SLC16A7: variants seen among roughly 807,000 people sequenced by gnomAD.
SLC16A7 encodes monocarboxylate transporter 2.
SLC16A7 carries 33 observed loss-of-function variants against 34.9 expected under a neutral mutation model. The observed-to-expected ratio is 0.94, with a 90% CI of 0.72 to 1.26. SLC16A7 has a LOEUF of 1.26. Ranked by LOEUF, SLC16A7 falls within the 50% of genes most tolerant of loss-of-function variation. The pLI, the probability that SLC16A7 is intolerant of heterozygous loss-of-function variation, is 0.00. For missense variants in SLC16A7, 573 were observed against 578.1 expected (o/e 0.99, Z 0.09); for synonymous variants, 201 against 206.6 (o/e 0.97, Z 0.23).
At chr12:59,704,426 A>T (rs1873306361) in intron 2 of SLC16A7, among the ~76,000 whole-genome samples, 1 of 152,092 alleles carries the variant, frequency 6.6e-6, no homozygotes, top group African/African-American at 2.4e-5. Flanking sequence ...ACAACTGGTG[A>T]TTGAAGTAGA....
At position 59,774,776 on chromosome 12, in the gene SLC16A7, T is replaced by C. The variant is rs147545376; in HGVS notation, c.481T>C (p.Leu161=). The C allele has an allele frequency of 2.5e-6, 4 of 1,613,866 alleles. No individual in the cohort carries two copies. Among genetic ancestry groups the C allele is most frequent in the African/African-American group, 2.7e-5 (2 of 74,912 alleles). ...AGGAAGTCCTGTTTTCTTAAGTTCA[T>C]TGGCTCCTTTCAATCAGTACCTTTT... The part of the protein sequence containing the change: ...MAGSPVFLSS[L]APFNQYLFNT... Residue 161 remains leucine, a synonymous_variant, in exon 5 of 6, where the codon TTG becomes CTG. Transcript: ENST00000547379.
intron 3 of SLC16A7, among the ~76,000 whole-genome samples, chr12:59,738,442 AAGATGCAGATGAACTGGGG>A (rs1376515199): frequency 1.3e-5 from 2 of 152,286 alleles, no homozygotes; most frequent in African/African-American, 4.8e-5. Context: ...GACCAATAAC[AAGATGCAGATGAACTGGGG>A]AGGAAGAGAG....
chr12:59,634,492 A>G (rs1880327749), intron 1 of SLC16A7, among the ~76,000 whole-genome samples: 1 of 151,966 alleles, frequency 6.6e-6, no homozygotes, highest in Non-Finnish European at 1.5e-5. Flanking sequence ...AGTAGGTGGA[A>G]AATTACTAAG....
intron 1 of SLC16A7, among the ~76,000 whole-genome samples, chr12:59,636,878 G>A (rs1057177298): frequency 1.3e-5 from 2 of 152,094 alleles, no homozygotes; most frequent in East Asian, 1.9e-4. Flanking sequence ...TTTTCATGTA[G>A]TATGTAGATT....
At chr12:59,766,639 G>GT (rs1299317844) in intron 3 of SLC16A7, among the ~76,000 whole-genome samples, 1 of 152,028 alleles carries the variant, frequency 6.6e-6, no homozygotes, top group African/African-American at 2.4e-5. Flanking sequence ...ACGTTTATTG[G>GT]TTTTTGTATG....
chr12:59,651,855 C>T (rs893016648), intron 1 of SLC16A7, among the ~76,000 whole-genome samples: 9 of 151,812 alleles, frequency 5.9e-5, no homozygotes, highest in African/African-American at 2.2e-4. Context: ...AAGGGAAAAG[C>T]AAAAAAGATT....
At chr12:59,608,500 A>T (rs1290996834) in intron 1 of SLC16A7, among the ~76,000 whole-genome samples, 1 of 152,234 alleles carries the variant, frequency 6.6e-6, no homozygotes. Context: ...GAAGCCACAG[A>T]TAATCTAAGA....
intron 3 of SLC16A7, among the ~76,000 whole-genome samples, chr12:59,715,198 C>G (rs936804439): frequency 3.3e-5 from 5 of 152,100 alleles, no homozygotes; most frequent in Non-Finnish European, 5.9e-5. Context: ...TACCAAATTG[C>G]TGCTTCTAGG....
intron 3 of SLC16A7, among the ~76,000 whole-genome samples, chr12:59,766,366 T>C (rs992941257): frequency 1.3e-5 from 2 of 152,140 alleles, no homozygotes; most frequent in Non-Finnish European, 2.9e-5. Flanking sequence ...TCCAACACTA[T>C]GTTGAATAGG....
At chr12:59,651,642 A>G (rs1019278829) in intron 1 of SLC16A7, among the ~76,000 whole-genome samples, 24 of 152,146 alleles carry the variant, frequency 1.6e-4, no homozygotes, top group African/African-American at 5.8e-4. Context: ...GTGGTGTCTC[A>G]TGCCTGTCAT....
intron 1 of SLC16A7, among the ~76,000 whole-genome samples, chr12:59,602,285 C>T (rs1393239652): frequency 6.6e-6 from 1 of 152,114 alleles, no homozygotes; most frequent in Non-Finnish European, 1.5e-5. Flanking sequence ...GACCTCCTAG[C>T]CTCCAAATTA....
At chr12:59,657,429 A>G (rs936147199) in intron 2 of SLC16A7, among the ~76,000 whole-genome samples, 2 of 152,086 alleles carry the variant, frequency 1.3e-5, no homozygotes, top group Admixed American at 1.3e-4. Flanking sequence ...TCACTACTTA[A>G]GCATGTGAAT....
Position 59,704,775 on chromosome 12 carries a change from A to G in SLC16A7, c.-27A>G, listed in dbSNP as rs986171908. The G allele has an allele frequency of 1.3e-6, 2 of 1,486,314 alleles. No individual in the cohort carries two copies. The highest frequency in any genetic ancestry group is 2.3e-5 in the East Asian group (1 of 43,500). The allele number at this position is 1,486,314 out of a possible 1,614,324, so 92.1% of individuals were successfully genotyped here. On this transcript the variant is annotated 5_prime_UTR_variant, in exon 3 of 6. Coordinates refer to ENST00000547379, the MANE Select transcript of SLC16A7 (RefSeq NM_001270623.2). ...TTATTTCATTATTTTAATATAGGTT[A>G]CTTGAATTTCCACTAGAGGAGCAGA...
chr12:59,753,883 G>T (rs1299651139), intron 3 of SLC16A7, among the ~76,000 whole-genome samples: 4 of 152,106 alleles, frequency 2.6e-5, no homozygotes, highest in African/African-American at 4.8e-5. Context: ...AAATGTAAAA[G>T]ATCAGAAATT....
At position 59,709,666 on chromosome 12, in the gene SLC16A7, G is replaced by C. The variant is rs116667951; in HGVS notation, c.217+4648G>C. Among the ~76,000 whole-genome samples, 687 of 151,602 alleles carry C rather than the reference G, an allele frequency of 4.5e-3. 25 individuals are homozygous for C. The highest frequency in any genetic ancestry group is 0.016 in the African/African-American group (663 of 40,964). ...ATTTATAAAAAGCAAAAAGTACCAG[G>C]TACACTTTGACAGCCCTGTGCAAGT... On this transcript the variant is annotated intron_variant, in intron 3 of 5. Coordinates refer to ENST00000547379, the MANE Select transcript of SLC16A7 (RefSeq NM_001270623.2).
At chr12:59,700,414 T>C (rs750357854) in intron 2 of SLC16A7, among the ~76,000 whole-genome samples, 5 of 150,638 alleles carry the variant, frequency 3.3e-5, no homozygotes, top group Admixed American at 6.7e-5. Context: ...GTTTCCAAGA[T>C]TATATATGTC....
chr12:59,681,072 C>G (rs1870708206), intron 2 of SLC16A7, among the ~76,000 whole-genome samples: 1 of 152,196 alleles, frequency 6.6e-6, no homozygotes, highest in Non-Finnish European at 1.5e-5. Context: ...AGACCCAAAG[C>G]TGAGGTGCAG....
At chr12:59,758,243 G>C (rs79983841) in intron 3 of SLC16A7, among the ~76,000 whole-genome samples, 1 of 152,020 alleles carries the variant, frequency 6.6e-6, no homozygotes, top group Admixed American at 6.6e-5. Context: ...CTCATGTTAA[G>C]TGTTCTTACC....
intron 1 of SLC16A7, among the ~76,000 whole-genome samples, chr12:59,607,237 T>C (rs1335425054): frequency 6.6e-6 from 1 of 152,170 alleles, no homozygotes; most frequent in Non-Finnish European, 1.5e-5. Context: ...AAGACATTAA[T>C]GAAACAAGTG....
Sources: allele counts gnomAD v4.1 joint callset (sites outside exome capture counted in the v4.1 genomes callset), GRCh38; gene constraint gnomAD v4.1.1; transcripts MANE v1.5; gene names NCBI Gene and HGNC (gene_info 2026-07-23, HGNC 2026-07-21).